Variants in COL27A1 observed in about 807,000 individuals in gnomAD.
COL27A1 encodes collagen type XXVII alpha 1 chain.
In COL27A1, 106 loss-of-function variants were observed where a neutral mutation model predicts 251.3. The observed-to-expected ratio is 0.42, with a 90% CI of 0.36 to 0.50. COL27A1 has a LOEUF of 0.50. COL27A1 is among the 20% of genes least tolerant of loss of function. The probability of loss-of-function intolerance (pLI) is 0.00; values close to 1 mark genes in which losing one functional copy is unlikely to be tolerated. For missense variants in COL27A1, 2,325 were observed against 2,522.8 expected (o/e 0.92, Z 1.68); for synonymous variants, 1,000 against 986.3 (o/e 1.01, Z -0.26).
intron 28 of COL27A1, among the ~76,000 whole-genome samples, chr9:114,263,480 C>T (rs927362477): frequency 2.0e-5 from 3 of 152,000 alleles, no homozygotes; most frequent in South Asian, 4.2e-4. Flanking sequence ...CTGTTTTCCA[C>T]GGGTTTTTTC....
chr9:114,168,600 C>G lies in COL27A1; in HGVS notation c.1045C>G (p.Arg349Gly), dbSNP rs34973417. Reference protein sequence around the residue: ...ASVGGSTRTPRPAAAQPSQKI... With the variant: ...ASVGGSTRTPGPAAAQPSQKI... The stretch of plus-strand genomic sequence containing the variant: ...TGTTGGCGGCTCTACCAGAACGCCT[C>G]GCCCTGCGGCCGCTCAACCATCACA... The change falls in exon 3 of 61, where the codon CGC becomes GGC. Residue 349 changes from arginine to glycine, a missense_variant. Transcript: ENST00000356083. 1.2e-6 allele frequency: 2 copies of G among 1,614,052 alleles called. No homozygotes were observed. Among genetic ancestry groups the G allele is most frequent in the African/African-American group, 2.7e-5 (2 of 74,930 alleles).
intron 28 of COL27A1, among the ~76,000 whole-genome samples, chr9:114,261,843 C>T (rs1251641185): frequency 6.6e-6 from 1 of 152,224 alleles, no homozygotes; most frequent in Non-Finnish European, 1.5e-5. Flanking sequence ...AAGTTCACCA[C>T]CATCCTGAGC....
chr9:114,208,364 G>A (rs779254909), intron 10 of COL27A1, among the ~76,000 whole-genome samples: 1 of 152,104 alleles, frequency 6.6e-6, no homozygotes, highest in South Asian at 2.1e-4. Flanking sequence ...CAGGAGAATC[G>A]CTTGAACCCG....
At chr9:114,208,050 C>T (rs1275425402) in intron 10 of COL27A1, among the ~76,000 whole-genome samples, 4 of 152,142 alleles carry the variant, frequency 2.6e-5, no homozygotes, top group Non-Finnish European at 5.9e-5. Context: ...AATTTGAATA[C>T]CAGTTCTACC....
intron 14 of COL27A1, among the ~76,000 whole-genome samples, chr9:114,228,446 G>A (rs958598308): frequency 2.6e-5 from 4 of 152,204 alleles, no homozygotes; most frequent in Non-Finnish European, 5.9e-5. Context: ...CAGCCAGAGG[G>A]GCCTGTGGAC....
chr9:114,166,415 T>TCCATCCATCCACC (rs1848880450), intron 2 of COL27A1, among the ~76,000 whole-genome samples: 1 of 39,554 alleles, frequency 2.5e-5, no homozygotes, highest in Admixed American at 2.4e-4. Context: ...ACCTATCCAT[T>TCCATCCATCCACC]TATCCATTCA....
intron 27 of COL27A1, among the ~76,000 whole-genome samples, 182 bp downstream of exon 27, chr9:114,253,114 G>A (rs1431341910): frequency 2.0e-5 from 3 of 152,180 alleles, no homozygotes; most frequent in Non-Finnish European, 2.9e-5. Context: ...ACAAAAATTC[G>A]CTGGGCGTGG....
rs142192832 is a variant in COL27A1, at chr9:114,167,831, C to T, written c.276C>T (p.Ala92=). Residue 92 remains alanine, a synonymous_variant, in exon 3 of 61, where the codon GCC becomes GCT. Transcript: ENST00000356083. ...CTCCCACGGGCACCGTCATTCCTGCCGCCTTGGGCACAGAGCTGGCACTGG... is the reference window on the plus strand; with the variant it reads ...CTCCCACGGGCACCGTCATTCCTGCTGCCTTGGGCACAGAGCTGGCACTGG... The part of the protein sequence containing the change: ...LQAPTGTVIP[A]ALGTELALVL... 2,352 of 1,613,524 alleles carry T rather than the reference C, an allele frequency of 1.5e-3. 4 individuals are homozygous for T. The highest frequency in any genetic ancestry group is 1.9e-3 in the Non-Finnish European group (2,201 of 1,179,984).
Position 114,292,110 on chromosome 9 carries a change from G to A in COL27A1, c.4484G>A (p.Ser1495Asn), listed in dbSNP as rs1421217140. Reference protein sequence around the residue: ...AQGPPGFKGESGLPGQLGPPG... With the variant: ...AQGPPGFKGENGLPGQLGPPG... ...TTTGTGTGTTTCTTTAAGGGTGAGA[G>A]TGGGTTACCCGGACAGCTGGGTCCC... Residue 1495 changes from serine to asparagine, a missense_variant, in exon 49 of 61, where the codon AGT becomes AAT. By Grantham distance (46) the Ser-to-Asn change is conservative. Coordinates refer to ENST00000356083, the MANE Select transcript of COL27A1 (RefSeq NM_032888.4). The A allele has an allele frequency of 1.3e-6, 2 of 1,556,568 alleles. No individual in the cohort carries two copies. The highest frequency in any genetic ancestry group is 1.9e-5 in the Admixed American group (1 of 51,520).
In COL27A1 at chr9:114,253,023, C is replaced by T. The variant is rs1265529010; in HGVS notation, c.3141+91C>T. ...TGGTGGCTCACACCTGTAATCTCAG[C>T]ACTTCGGGAGGCCGATCACTTGAGG... On this transcript the variant is annotated intron_variant, in intron 27 of 60. Transcript: ENST00000356083. 7 of 1,016,206 alleles carry T rather than the reference C, an allele frequency of 6.9e-6. No individual in the cohort carries two copies. The African/African-American group carries it at 8.0e-5, about 12-fold the overall frequency. 62.9% of individuals were successfully genotyped at this position (1,016,206 alleles called of 1,614,324 possible). A position where few individuals can be genotyped will look rare whatever the true frequency, so the allele number is the denominator to read the frequency against.
In COL27A1 at chr9:114,180,664, G is replaced by A. The variant is rs375860297; in HGVS notation, c.1962+2320G>A. 1.2e-4 allele frequency among the ~76,000 whole-genome samples: 19 copies of A among 152,304 alleles called. No individual in the cohort carries two copies. The East Asian group carries it at 2.9e-3, about 23-fold the overall frequency. On this transcript the variant is annotated intron_variant, in intron 4 of 60. Coordinates refer to ENST00000356083, the MANE Select transcript of COL27A1 (RefSeq NM_032888.4). Reference sequence around the variant, plus strand: ...TACCTGAGGTCGCCCAAAGCTCTCTGTCTTGCCCCTTCCTACCTCCACATA... The same window carrying A: ...TACCTGAGGTCGCCCAAAGCTCTCTATCTTGCCCCTTCCTACCTCCACATA...
intron 9 of COL27A1, 91 bp from the exon 10 acceptor site, chr9:114,206,161 C>A: frequency 1.6e-6 from 2 of 1,242,478 alleles, no homozygotes; most frequent in Non-Finnish European, 2.4e-6. Context: ...AAGAGAGCAG[C>A]AGAGGCCCCA....
intron 58 of COL27A1, 100 bp from the exon 59 acceptor site, chr9:114,307,568 TG>T: frequency 1.2e-6 from 1 of 814,686 alleles, no homozygotes; most frequent in Non-Finnish European, 2.1e-6. Context: ...CATGCTCACC[TG>T]GGGCTCGGCA....
Position 114,155,970 on chromosome 9 carries a change from G to A in COL27A1, c.20G>A (p.Arg7Gln), listed in dbSNP as rs558566848. ...CCTGCCATGGGAGCGGGATCGGCGC[G>A]GGGGGCCCGAGGCACAGCGGCGGCG... MGAGSA[R>Q]GARGTAAAAA... The change falls in exon 1 of 61, where the codon CGG becomes CAG. Residue 7 changes from arginine (R) to glutamine (Q), a missense_variant. Coordinates refer to ENST00000356083, the MANE Select transcript of COL27A1 (RefSeq NM_032888.4). The surrounding 1 kb of genome is among the most constrained non-coding windows in gnomAD (Gnocchi z 5.5). 3 of 1,287,862 alleles carry A rather than the reference G, an allele frequency of 2.3e-6. No individual in the cohort carries two copies. The highest frequency in any genetic ancestry group is 1.5e-5 in the African/African-American group (1 of 65,790). 79.8% of individuals were successfully genotyped at this position (1,287,862 alleles called of 1,614,324 possible).
At chr9:114,192,439 A>C (rs748004244) in intron 5 of COL27A1, among the ~76,000 whole-genome samples, 2 of 152,106 alleles carry the variant, frequency 1.3e-5, no homozygotes, top group Non-Finnish European at 1.5e-5. Flanking sequence ...GCTGCAGTGC[A>C]AGGTGAATCC....
Position 114,219,862 on chromosome 9 carries a change from T to G in COL27A1, c.2421+18T>G. 1 of 1,591,814 alleles carries G rather than the reference T, an allele frequency of 6.3e-7. No homozygotes were observed. Reference sequence around the variant, plus strand: ...GAAATCCTGTGAGTATTTCAAGTCTTTGGGAACAGGAGCGAGATTCTGAGT... The same window carrying G: ...GAAATCCTGTGAGTATTTCAAGTCTGTGGGAACAGGAGCGAGATTCTGAGT... On this transcript the variant is annotated intron_variant, in intron 13 of 60. Transcript: ENST00000356083.
intron 21 of COL27A1, among the ~76,000 whole-genome samples, chr9:114,240,777 C>T (rs942826302): frequency 1.3e-5 from 2 of 152,214 alleles, no homozygotes; most frequent in African/African-American, 2.4e-5. Flanking sequence ...CTGACAATGC[C>T]GTGCTCGTGG....
intron 34 of COL27A1, 51 bp downstream of exon 34, chr9:114,267,608 G>C (rs1438294685): frequency 6.6e-7 from 1 of 1,520,160 alleles, no homozygotes; most frequent in Admixed American, 1.8e-5. Context: ...CCAGCTCCCA[G>C]ATGGTGGCCA....
At chr9:114,277,389 C>G (rs552949555) in intron 37 of COL27A1, among the ~76,000 whole-genome samples, 1 of 152,260 alleles carries the variant, frequency 6.6e-6, no homozygotes, top group South Asian at 2.1e-4. Context: ...CACTCTTCAT[C>G]CCTCAAGCGG....
Sources: gnomAD v4.1 joint callset for allele counts (sites outside exome capture counted in the v4.1 genomes callset) on GRCh38, gnomAD v4.1.1 for gene constraint, Gnocchi (gnomAD v3.1) non-coding constraint, MANE v1.5 for transcripts, NCBI Gene and HGNC (gene_info 2026-07-23, HGNC 2026-07-21) for gene names.